The following RALYL variants were observed in gnomAD, a reference collection of about 807,000 sequenced individuals.
RALYL encodes the protein RALY RNA binding protein like.
A neutral mutation model predicts 35.1 loss-of-function variants in RALYL; 29 were observed. The ratio of observed to expected loss-of-function variants is 0.83; its 90% CI spans 0.61 to 1.13. The LOEUF (loss-of-function observed/expected upper bound fraction) is 1.13, where lower values mean the gene tolerates loss of function less well. Among genes scored for constraint, RALYL ranks in the 50% most tolerant of loss-of-function variants. The probability of loss-of-function intolerance (pLI) is 0.00; values close to 1 mark genes in which losing one functional copy is unlikely to be tolerated. For synonymous variants in RALYL, 120 were observed against 127.6 expected, an observed-to-expected ratio of 0.94 and a Z score of 0.40; for missense variants, 359 against 360.4, an observed-to-expected ratio of 1.00 and a Z score of 0.03.
At chr8:84,670,059 C>T (rs894909299) in intron 2 of RALYL, among the ~76,000 whole-genome samples, 7 of 151,906 alleles carry the variant, frequency 4.6e-5, no homozygotes, top group African/African-American at 1.7e-4. Context: ...GAGCTTGTTC[C>T]TCTGAAACAG....
intron 1 of RALYL, among the ~76,000 whole-genome samples, chr8:84,452,993 C>G (rs1212464036): frequency 6.6e-6 from 1 of 151,838 alleles, no homozygotes; most frequent in Non-Finnish European, 1.5e-5. Context: ...AGATGCAGTA[C>G]AGTATTTCCT....
At position 84,342,334 on chromosome 8, in the gene RALYL, T is replaced by C. The variant is rs1024863162; in HGVS notation, c.-24+157910T>C. On this transcript the variant is annotated intron_variant, in intron 1 of 8. Coordinates refer to ENST00000521268, the MANE Select transcript of RALYL (RefSeq NM_173848.7). ...TGTGGTCCTCCCAAATCATTTAATA[T>C]GAGAACAGCCAGGCCTACACACATT... 3.5e-5 allele frequency among the ~76,000 whole-genome samples: 4 copies of C among 114,870 alleles called. No individual in the cohort carries two copies. The East Asian group carries it at 8.0e-4, about 23-fold the overall frequency. The allele number at this position is 114,870 out of a possible 152,430, so 75.4% of individuals were successfully genotyped here.
chr8:84,368,332 T>C (rs1345569667), intron 1 of RALYL, among the ~76,000 whole-genome samples: 1 of 152,228 alleles, frequency 6.6e-6, no homozygotes, highest in Non-Finnish European at 1.5e-5. Flanking sequence ...CTTAGTTATG[T>C]GATAATGTAC....
At chr8:84,579,724 T>TG (rs1810397671) in intron 2 of RALYL, among the ~76,000 whole-genome samples, 1 of 152,232 alleles carries the variant, frequency 6.6e-6, no homozygotes, top group Admixed American at 6.5e-5. Context: ...TCTCACTTTT[T>TG]GGAATTGGAG....
intron 2 of RALYL, among the ~76,000 whole-genome samples, chr8:84,613,282 A>G (rs568849416): frequency 6.6e-6 from 1 of 151,574 alleles, no homozygotes. Flanking sequence ...TAAAGGAAAA[A>G]CATAAAATAT....
intron 4 of RALYL, among the ~76,000 whole-genome samples, chr8:84,811,230 ATTTG>A (rs1825836261): frequency 6.6e-6 from 1 of 152,098 alleles, no homozygotes; most frequent in Admixed American, 6.5e-5. Flanking sequence ...CTCTCTCAGC[ATTTG>A]TTTGTCTGAG....
chr8:84,608,559 C>T (rs909282930), intron 2 of RALYL, among the ~76,000 whole-genome samples: 1 of 152,120 alleles, frequency 6.6e-6, no homozygotes, highest in Non-Finnish European at 1.5e-5. Flanking sequence ...TTGCCCTTCC[C>T]CAGGGCTGCG....
chr8:84,798,985 T>C (rs1383437319), intron 3 of RALYL, among the ~76,000 whole-genome samples: 1 of 152,134 alleles, frequency 6.6e-6, no homozygotes, highest in African/African-American at 2.4e-5. Context: ...TGGAACCTGA[T>C]TGTGAATGAA....
At chr8:84,448,248 C>T (rs2049062722) in intron 1 of RALYL, among the ~76,000 whole-genome samples, 1 of 151,894 alleles carries the variant, frequency 6.6e-6, no homozygotes, top group Non-Finnish European at 1.5e-5. Flanking sequence ...GTATGTATGG[C>T]TTGTGTTTGT....
chr8:84,683,078 T>G (rs1835943906), intron 2 of RALYL, among the ~76,000 whole-genome samples: 1 of 152,260 alleles, frequency 6.6e-6, no homozygotes, highest in African/African-American at 2.4e-5. Context: ...CATCTTTATC[T>G]CTGCCTTCAT....
intron 2 of RALYL, among the ~76,000 whole-genome samples, chr8:84,532,117 T>C (rs943977280): frequency 2.0e-5 from 3 of 152,052 alleles, no homozygotes; most frequent in East Asian, 1.9e-4. Flanking sequence ...ATCTCGTCTT[T>C]CACTACCTCT....
At chr8:84,441,097 T>A (rs1339769494) in intron 1 of RALYL, among the ~76,000 whole-genome samples, 1 of 152,034 alleles carries the variant, frequency 6.6e-6, no homozygotes, top group Non-Finnish European at 1.5e-5. Flanking sequence ...AGTGGTGTAT[T>A]TTTTTAATAA....
At chr8:84,620,968 C>A (rs544061850) in intron 2 of RALYL, among the ~76,000 whole-genome samples, 2 of 152,088 alleles carry the variant, frequency 1.3e-5, no homozygotes, top group Non-Finnish European at 2.9e-5. Flanking sequence ...TCTCCAGCTG[C>A]GTGCTGGGAG....
chr8:84,247,945 T>C (rs764796826), intron 1 of RALYL, among the ~76,000 whole-genome samples: 32 of 152,168 alleles, frequency 2.1e-4, no homozygotes, highest in African/African-American at 4.6e-4. Flanking sequence ...GTCAAAGGAA[T>C]ATATTTTATA....
intron 1 of RALYL, among the ~76,000 whole-genome samples, chr8:84,266,931 G>A (rs1285766122): frequency 7.1e-6 from 1 of 141,672 alleles, no homozygotes; most frequent in Non-Finnish European, 1.5e-5. Flanking sequence ...CTGCACTCCA[G>A]CCTGGGCGAC....
chr8:84,214,068 T>C (rs1479780099), intron 1 of RALYL, among the ~76,000 whole-genome samples: 1 of 152,268 alleles, frequency 6.6e-6, no homozygotes, highest in African/African-American at 2.4e-5. Flanking sequence ...ATGGCTGTGG[T>C]TCATTATTGT....
intron 2 of RALYL, among the ~76,000 whole-genome samples, chr8:84,551,113 T>A (rs1204747611): frequency 6.6e-6 from 1 of 152,040 alleles, no homozygotes; most frequent in African/African-American, 2.4e-5. Context: ...AAAATAGAAT[T>A]TTTATTGGTA....
intron 1 of RALYL, among the ~76,000 whole-genome samples, chr8:84,307,754 T>C (rs1225373910): frequency 1.3e-5 from 2 of 152,172 alleles, no homozygotes; most frequent in Admixed American, 1.3e-4. Flanking sequence ...CAGTTCACTT[T>C]TCAAAGATGC....
At chr8:84,624,231 C>G (rs1421304832) in intron 2 of RALYL, among the ~76,000 whole-genome samples, 1 of 152,172 alleles carries the variant, frequency 6.6e-6, no homozygotes. Flanking sequence ...TGTACTAGTT[C>G]TCTACTGCAG....
Sources: allele counts gnomAD v4.1 joint callset (sites outside exome capture counted in the v4.1 genomes callset), GRCh38; gene constraint gnomAD v4.1.1; transcripts MANE v1.5; gene names NCBI Gene and HGNC (gene_info 2026-07-23, HGNC 2026-07-21).